KLF12: variants seen among roughly 807,000 people sequenced by gnomAD.
The protein encoded by KLF12 is KLF transcription factor 12, also known as Krueppel-like factor 12.
A neutral mutation model predicts 37.8 loss-of-function variants in KLF12; 9 were observed. The ratio of observed to expected loss-of-function variants is 0.24; its 90% CI spans 0.14 to 0.42. The LOEUF is 0.42. Ranked by LOEUF, KLF12 falls within the 10% of genes least tolerant of loss-of-function variation. The pLI, the probability that KLF12 is intolerant of heterozygous loss-of-function variation, is 1.00. For synonymous variants in KLF12, 208 were observed against 202.1 expected, an observed-to-expected ratio of 1.03 and a Z score of -0.25; for missense variants, 411 against 516.0, an observed-to-expected ratio of 0.80 and a Z score of 1.97.
At chr13:73,723,560 G>A (rs2137746934) in intron 6 of KLF12, among the ~76,000 whole-genome samples, 1 of 152,154 alleles carries the variant, frequency 6.6e-6, no homozygotes, top group African/African-American at 2.4e-5. Context: ...ATGCCTTAAG[G>A]GTAAGCCCTG....
intron 1 of KLF12, among the ~76,000 whole-genome samples, chr13:74,005,880 T>G (rs1022005877): frequency 6.6e-6 from 1 of 152,230 alleles, no homozygotes; most frequent in African/African-American, 2.4e-5. Flanking sequence ...TGCTTCAGTC[T>G]TCAGCTTCAT....
the KLF12 span, among the ~76,000 whole-genome samples, chr13:74,209,397 A>T: frequency 6.6e-6 from 1 of 152,054 alleles, no homozygotes; most frequent in Non-Finnish European, 1.5e-5. Context: ...ACTGGGATTG[A>T]TTTTTAGCCA....
At chr13:74,197,495 ACACT>A in the KLF12 span, among the ~76,000 whole-genome samples, 10 of 152,072 alleles carry the variant, frequency 6.6e-5, no homozygotes, top group South Asian at 2.1e-4. Context: ...TCACACAGAC[ACACT>A]CACACACTTA....
intron 1 of KLF12, among the ~76,000 whole-genome samples, chr13:74,022,904 C>T (rs1391522294): frequency 6.6e-6 from 1 of 151,014 alleles, no homozygotes; most frequent in Non-Finnish European, 1.5e-5. Flanking sequence ...CCGGGAGCTT[C>T]AAAACTCTCT....
intron 2 of KLF12, among the ~76,000 whole-genome samples, chr13:73,946,308 T>C (rs1890419470): frequency 6.6e-6 from 1 of 152,226 alleles, no homozygotes; most frequent in African/African-American, 2.4e-5. Context: ...TAGAGGCTAA[T>C]GTCCCTTTTA....
At chr13:74,277,154 C>G in the KLF12 span, among the ~76,000 whole-genome samples, 2 of 152,178 alleles carry the variant, frequency 1.3e-5, no homozygotes, top group Non-Finnish European at 2.9e-5. Context: ...CTTTTACTAT[C>G]AAATGATTAT....
intron 6 of KLF12, among the ~76,000 whole-genome samples, chr13:73,763,831 C>G (rs371120946): frequency 6.6e-6 from 1 of 152,064 alleles, no homozygotes; most frequent in Admixed American, 6.6e-5. Context: ...TGGTAAGAGA[C>G]GAGGAAGGAT....
chr13:73,711,729 T>C (rs994161132), intron 7 of KLF12, among the ~76,000 whole-genome samples: 1 of 152,202 alleles, frequency 6.6e-6, no homozygotes, highest in Non-Finnish European at 1.5e-5. Flanking sequence ...TAACACAACA[T>C]GCATTCTTCA....
At chr13:73,705,371 T>C (rs1452791370) in intron 7 of KLF12, among the ~76,000 whole-genome samples, 1 of 152,188 alleles carries the variant, frequency 6.6e-6, no homozygotes, top group Non-Finnish European at 1.5e-5. Context: ...CCTCCCAGGT[T>C]CAAGCGATGC....
At chr13:74,301,872 C>T in the KLF12 span, among the ~76,000 whole-genome samples, 15 of 152,174 alleles carry the variant, frequency 9.9e-5, no homozygotes, top group African/African-American at 2.4e-4. Context: ...CTGAGCTGCC[C>T]GTGTTAAATG....
chr13:73,950,747 G>A (rs1034956002), intron 2 of KLF12, among the ~76,000 whole-genome samples: 1 of 152,174 alleles, frequency 6.6e-6, no homozygotes, highest in Admixed American at 6.5e-5. Context: ...GGAGAGATCT[G>A]ACATGTGGAG....
intron 4 of KLF12, among the ~76,000 whole-genome samples, chr13:73,834,598 C>T (rs1038248404): frequency 6.6e-6 from 1 of 152,040 alleles, no homozygotes; most frequent in Non-Finnish European, 1.5e-5. Flanking sequence ...GCAACCTTTG[C>T]CTTTCAGGTT....
intron 3 of KLF12, among the ~76,000 whole-genome samples, chr13:73,912,593 A>G (rs1370607742): frequency 1.3e-5 from 2 of 152,118 alleles, no homozygotes; most frequent in Non-Finnish European, 2.9e-5. Context: ...AAGCTAGAAG[A>G]GGCATGGAAG....
chr13:74,298,598 G>C, the KLF12 span, among the ~76,000 whole-genome samples: 1 of 152,024 alleles, frequency 6.6e-6, no homozygotes, highest in Admixed American at 6.6e-5. Context: ...AAAGAAGAGA[G>C]GCTAAAATGG....
At chr13:73,990,580 A>T (rs1891941030) in intron 2 of KLF12, among the ~76,000 whole-genome samples, 1 of 152,218 alleles carries the variant, frequency 6.6e-6, no homozygotes, top group South Asian at 2.1e-4. Flanking sequence ...TAGTAAAACA[A>T]AAAGAGGAAA....
intron 4 of KLF12, among the ~76,000 whole-genome samples, chr13:73,819,572 G>GGCT (rs142338092): frequency 0.24 from 36,374 of 152,042 alleles, 4,537 homozygotes; most frequent in East Asian, 0.49. Flanking sequence ...GCAGTCTTCT[G>GGCT]GCTGGAGAAA....
the KLF12 span, among the ~76,000 whole-genome samples, chr13:74,213,545 T>C: frequency 2.6e-5 from 4 of 152,066 alleles, no homozygotes; most frequent in African/African-American, 9.7e-5. Flanking sequence ...GTAGTTAGAA[T>C]GAAATACATG....
the KLF12 span, among the ~76,000 whole-genome samples, chr13:74,185,122 C>G: frequency 1.3e-5 from 2 of 152,170 alleles, no homozygotes; most frequent in African/African-American, 4.8e-5. Context: ...AGTCTTGGTC[C>G]AGCAAGATGG....
At chr13:74,069,561 G>C (rs1184848831) in intron 1 of KLF12, among the ~76,000 whole-genome samples, 1 of 152,072 alleles carries the variant, frequency 6.6e-6, no homozygotes, top group Non-Finnish European at 1.5e-5. Context: ...AAGACCAGGA[G>C]GACAATGTTA....
Sources: gnomAD v4.1 joint callset for allele counts (sites outside exome capture counted in the v4.1 genomes callset) on GRCh38, gnomAD v4.1.1 for gene constraint, MANE v1.5 for transcripts, NCBI Gene and HGNC (gene_info 2026-07-23, HGNC 2026-07-21) for gene names.